Variants in VWF observed in about 807,000 individuals in gnomAD.
VWF encodes the protein Factor VIII related antigen.
Under a neutral mutation model 308.6 loss-of-function variants are expected in VWF, and 176 were observed. The observed-to-expected ratio is 0.57, with a 90% CI of 0.50 to 0.65. The LOEUF is 0.65. Ranked by LOEUF, VWF falls within the 30% of genes least tolerant of loss-of-function variation. VWF has a pLI of 0.00. For synonymous variants in VWF, 1,385 were observed against 1,443.4 expected (o/e 0.96, Z 0.92); for missense variants, 3,146 against 3,648.2 (o/e 0.86, Z 3.55).
At chr12:6,057,121 G>A in intron 14 of VWF, 49 bp from the exon 15 acceptor site, 2 of 1,467,992 alleles carry the variant, frequency 1.4e-6, no homozygotes, top group South Asian at 1.2e-5. Flanking sequence ...AGGAGTGGGG[G>A]CCACGCCCTC....
intron 14 of VWF, among the ~76,000 whole-genome samples, chr12:6,057,291 C>CGAAG (rs1944590994): frequency 6.7e-6 from 1 of 148,234 alleles, no homozygotes; most frequent in Admixed American, 6.7e-5. Flanking sequence ...CTGGGAAGGT[C>CGAAG]GAAGGACGGG....
chr12:6,031,295 C>T (rs891401140), intron 21 of VWF, 149 bp downstream of exon 21: 30 of 1,328,688 alleles, frequency 2.3e-5, no homozygotes, highest in African/African-American at 4.3e-5. Flanking sequence ...TAATACGTCA[C>T]GGTCAGTTGC....
chr12:6,079,465 C>T (rs1194258480), intron 6 of VWF, among the ~76,000 whole-genome samples: 1 of 151,944 alleles, frequency 6.6e-6, no homozygotes, highest in Non-Finnish European at 1.5e-5. Flanking sequence ...AAAAAATTAG[C>T]CGGGCATGGT....
At chr12:6,055,515 G>A (rs1040101651) in intron 15 of VWF, among the ~76,000 whole-genome samples, 1 of 152,122 alleles carries the variant, frequency 6.6e-6, no homozygotes, top group African/African-American at 2.4e-5. Context: ...CAGAGCTGGA[G>A]GAATGGGGAG....
chr12:6,057,805 TCGAGATTCTGCGAGGTCC>T (rs756952673), intron 14 of VWF, 26 bp downstream of exon 14: 2 of 1,567,150 alleles, frequency 1.3e-6, no homozygotes, highest in African/African-American at 2.7e-5. Context: ...TGTGGAGACC[TCGAGATTCTGCGAGGTCC>T]CTGCCTTGCC....
Position 5,976,255 on chromosome 12 carries a change from A to G in VWF, c.7293T>C (p.Cys2431=). 1 of 1,614,134 alleles carries G rather than the reference A, an allele frequency of 6.2e-7. No homozygotes were observed. The highest frequency in any genetic ancestry group is 8.5e-7 in the Non-Finnish European group (1 of 1,180,030). The change falls in exon 43 of 52, where the codon TGT becomes TGC. Residue 2431 remains cysteine, a synonymous_variant. Coordinates refer to ENST00000261405, the MANE Select transcript of VWF (RefSeq NM_000552.5). ...CAGGGTAGATGGTGCTTCGGTGGACACACACCTGTAGACATAAGTTTTCGT... is the reference window on the plus strand; with the variant it reads ...CAGGGTAGATGGTGCTTCGGTGGACGCACACCTGTAGACATAAGTTTTCGT... The part of the protein sequence containing the change: ...TTTTCLPDKV[C]VHRSTIYPVG...
chr12:6,011,603 A>C lies in VWF; in HGVS notation c.5842+14T>G, dbSNP rs1283763436. ...CCTTTGACGCTGCCCTGGCTGGAGA[A>C]GCAAAGGACTCACAGGGGCAGGTCC... is the stretch of plus-strand genomic sequence containing the variant. On this transcript the variant is annotated intron_variant, in intron 34 of 51. Transcript: ENST00000261405. The C allele has an allele frequency of 6.3e-7, 1 of 1,598,250 alleles. No homozygotes were observed. The highest frequency in any genetic ancestry group is 8.5e-7 in the Non-Finnish European group (1 of 1,173,916).
chr12:5,964,262 A>ACATACATACATACATACATG (rs1943367770), intron 47 of VWF, among the ~76,000 whole-genome samples: 1 of 141,788 alleles, frequency 7.1e-6, no homozygotes, highest in Non-Finnish European at 1.5e-5. Context: ...ATACATACAT[A>ACATACATACATACATACATG]CATACATACA....
intron 18 of VWF, among the ~76,000 whole-genome samples, chr12:6,039,592 A>G (rs1223383226): frequency 6.6e-6 from 1 of 152,156 alleles, no homozygotes; most frequent in Admixed American, 6.5e-5. Context: ...GCTTTTTTTA[A>G]ACCTCTCGCT....
At chr12:6,110,660 C>T in intron 4 of VWF, 78 bp from the exon 5 acceptor site, 1 of 1,509,686 alleles carries the variant, frequency 6.6e-7, no homozygotes, top group Non-Finnish European at 9.2e-7. Context: ...TAACCCCAAC[C>T]CCATGTTGTA....
chr12:6,081,749 C>T (rs1303479462), intron 6 of VWF, among the ~76,000 whole-genome samples: 2 of 152,098 alleles, frequency 1.3e-5, no homozygotes, highest in Non-Finnish European at 2.9e-5. Flanking sequence ...ATGCTATTTG[C>T]AATTTTTTCT....
chr12:5,958,373 GA>G (rs1440541349), intron 47 of VWF, among the ~76,000 whole-genome samples: 1 of 152,146 alleles, frequency 6.6e-6, no homozygotes, highest in African/African-American at 2.4e-5. Context: ...GTCAAAATAA[GA>G]AAGTTGATAT....
chr12:6,054,377 T>C (rs1213191551), intron 15 of VWF, among the ~76,000 whole-genome samples: 2 of 152,214 alleles, frequency 1.3e-5, no homozygotes, highest in African/African-American at 4.8e-5. Flanking sequence ...AAGATGGAGA[T>C]GTCTTTCAAC....
intron 3 of VWF, among the ~76,000 whole-genome samples, chr12:6,112,125 C>A (rs1257955519): frequency 2.0e-5 from 3 of 152,120 alleles, no homozygotes; most frequent in African/African-American, 7.2e-5. Context: ...AAACGCCTTA[C>A]ACAGCACATG....
intron 6 of VWF, among the ~76,000 whole-genome samples, chr12:6,092,673 G>GTGTGTGTGTGTGTGT (rs1356836169): frequency 1.6e-5 from 2 of 123,724 alleles, no homozygotes; most frequent in Non-Finnish European, 1.6e-5. Flanking sequence ...GTGTGTGTGT[G>GTGTGTGTGTGTGTGT]CTGACCAGCA....
intron 43 of VWF, among the ~76,000 whole-genome samples, chr12:5,974,181 C>T (rs1207943376): frequency 6.6e-6 from 1 of 152,140 alleles, no homozygotes; most frequent in Non-Finnish European, 1.5e-5. Context: ...ATACTACCCT[C>T]TTTGCAGAAT....
intron 43 of VWF, among the ~76,000 whole-genome samples, chr12:5,975,201 A>AG (rs766634006): frequency 9.9e-5 from 15 of 152,232 alleles, no homozygotes; most frequent in Admixed American, 9.8e-4. Flanking sequence ...ATTTGCCCTC[A>AG]GGCCCTCCTC....
intron 5 of VWF, among the ~76,000 whole-genome samples, chr12:6,096,187 T>C (rs1469486519): frequency 1.3e-5 from 2 of 151,728 alleles, no homozygotes; most frequent in African/African-American, 4.8e-5. Flanking sequence ...GGAGATGAGG[T>C]GAAAGATGAT....
At chr12:6,065,516 G>T in intron 10 of VWF, among the ~76,000 whole-genome samples, 1 of 152,318 alleles carries the variant, frequency 6.6e-6, no homozygotes, top group Middle Eastern at 3.4e-3. Flanking sequence ...ACTAAGGAAG[G>T]TGACAGAGCC....
Sources: allele counts gnomAD v4.1 joint callset (sites outside exome capture counted in the v4.1 genomes callset), GRCh38; gene constraint gnomAD v4.1.1; transcripts MANE v1.5; gene names NCBI Gene and HGNC (gene_info 2026-07-23, HGNC 2026-07-21).